The following CDH4 variants were observed in gnomAD, a reference collection of about 807,000 sequenced individuals.
The protein encoded by CDH4 is cadherin 4, also known as cadherin-4.
In CDH4, 33 loss-of-function variants were observed where a neutral mutation model predicts 86.0. The ratio of observed to expected loss-of-function variants is 0.38; its 90% confidence interval spans 0.29 to 0.51. CDH4 has a LOEUF of 0.51. Ranked by LOEUF, CDH4 falls within the 20% of genes least tolerant of loss-of-function variation. The probability of loss-of-function intolerance (pLI) is 0.86; values close to 1 mark genes in which losing one functional copy is unlikely to be tolerated. For synonymous variants in CDH4, 555 were observed against 549.4 expected, an observed-to-expected ratio of 1.01 and a Z score of -0.14; for missense variants, 1,114 against 1,307.4, an observed-to-expected ratio of 0.85 and a Z score of 2.28.
chr20:61,600,169 T>TGGC (rs2086588890), intron 2 of CDH4, among the ~76,000 whole-genome samples: 1 of 152,220 alleles, frequency 6.6e-6, no homozygotes, highest in South Asian at 2.1e-4. Context: ...CGCGAGGGCG[T>TGGC]GGCGGTGAGG....
intron 7 of CDH4, among the ~76,000 whole-genome samples, chr20:61,878,626 A>T (rs1245074980): frequency 1.3e-5 from 2 of 152,128 alleles, no homozygotes; most frequent in East Asian, 3.9e-4. Context: ...CTCCCCAGAC[A>T]TGGAGAGGTC....
intron 4 of CDH4, among the ~76,000 whole-genome samples, chr20:61,819,201 G>A (rs1213959895): frequency 1.3e-5 from 2 of 152,178 alleles, no homozygotes; most frequent in African/African-American, 2.4e-5. Context: ...ACAGCCCCAC[G>A]GCCAGGCCCT....
At chr20:61,686,760 CGTGTGCATTCGCGCGTGTGT>C (rs977057755) in intron 2 of CDH4, among the ~76,000 whole-genome samples, 2 of 150,454 alleles carry the variant, frequency 1.3e-5, no homozygotes, top group African/African-American at 4.9e-5. Flanking sequence ...TGTATATGTG[CGTGTGCATTCGCGCGTGTGT>C]GTGTGCATGT....
At chr20:61,451,777 G>A (rs62200875) in intron 2 of CDH4, among the ~76,000 whole-genome samples, 21,554 of 152,110 alleles carry the variant, frequency 0.14, 1,911 homozygotes, top group Non-Finnish European at 0.19. Context: ...GGGCTCCCTG[G>A]CCGTGGTGTG....
Position 61,684,596 on chromosome 20 carries a change from C to T in CDH4, c.170-58967C>T, listed in dbSNP as rs1240988064. 6.6e-6 allele frequency among the ~76,000 whole-genome samples: 1 copy of T among 152,180 alleles called. No individual in the cohort carries two copies. Among genetic ancestry groups the T allele is most frequent in the Non-Finnish European group, 1.5e-5 (1 of 68,032 alleles). ...GGGCTCCGTCCTGGGGGCTGAAAGG[C>T]TCCTGGGGGTTCAGTCTCTAACCTG... On this transcript the variant is annotated intron_variant, in intron 2 of 15. Transcript: ENST00000614565. The surrounding 1 kb of genome is among the most constrained non-coding windows in gnomAD (Gnocchi z 4.5).
chr20:61,414,738 G>A (rs2252688), intron 2 of CDH4, among the ~76,000 whole-genome samples: 2,444 of 152,320 alleles, frequency 0.016, 31 homozygotes, highest in Non-Finnish European at 0.024. Flanking sequence ...ATTCCGATTA[G>A]AGCTGCACTC....
intron 2 of CDH4, among the ~76,000 whole-genome samples, chr20:61,720,928 G>A (rs1052198802): frequency 2.0e-5 from 3 of 152,134 alleles, no homozygotes; most frequent in Non-Finnish European, 4.4e-5. Context: ...AACCTGACTT[G>A]TTGGCTACAG....
intron 2 of CDH4, among the ~76,000 whole-genome samples, chr20:61,265,028 C>G (rs2084149585): frequency 6.6e-6 from 1 of 151,280 alleles, no homozygotes; most frequent in Admixed American, 6.6e-5. Context: ...ACCCCAGTGG[C>G]TCCTTCATTC....
At chr20:61,493,304 G>A (rs1043041555) in intron 2 of CDH4, among the ~76,000 whole-genome samples, 3 of 152,074 alleles carry the variant, frequency 2.0e-5, no homozygotes, top group Admixed American at 1.3e-4. Flanking sequence ...TATGTGAAGC[G>A]TGCTATGCCC....
In CDH4 at chr20:61,254,334, C is replaced by G. The variant is rs1042617070; in HGVS notation, c.58-492C>G. On this transcript the variant is annotated intron_variant, in intron 1 of 15. Coordinates refer to ENST00000614565, the MANE Select transcript of CDH4 (RefSeq NM_001794.5). ...AGAGAATCTTCTTCCTTTCTCTCCT[C>G]TTTCTCCTCCCTCCCGGTGACCTGG... is the stretch of plus-strand genomic sequence containing the variant. Among the ~76,000 whole-genome samples the G allele has an allele frequency of 1.3e-5, 2 of 152,220 alleles. 1 individual carries two copies. Among genetic ancestry groups the G allele is most frequent in the East Asian group, 3.9e-4 (2 of 5,194 alleles).
chr20:61,711,298 C>T (rs965979999), intron 2 of CDH4, among the ~76,000 whole-genome samples: 13 of 152,228 alleles, frequency 8.5e-5, no homozygotes, highest in Admixed American at 1.3e-4. Context: ...CCTCCCCAGC[C>T]ATGCTGAACT....
intron 7 of CDH4, among the ~76,000 whole-genome samples, chr20:61,876,937 C>G (rs1329504298): frequency 6.6e-6 from 1 of 152,142 alleles, no homozygotes; most frequent in Non-Finnish European, 1.5e-5. Context: ...ATCTGTGGAC[C>G]CCTCTTCATA....
chr20:61,412,908 C>T (rs947853541), intron 2 of CDH4, among the ~76,000 whole-genome samples: 1 of 152,194 alleles, frequency 6.6e-6, no homozygotes, highest in African/African-American at 2.4e-5. Context: ...GAGTGTTTCT[C>T]CAGGGAGACC....
chr20:61,483,434 G>A (rs541569332), intron 2 of CDH4, among the ~76,000 whole-genome samples: 4 of 152,294 alleles, frequency 2.6e-5, no homozygotes, highest in East Asian at 1.9e-4. Context: ...TTGAAGAGAC[G>A]GTTATGGTTA....
chr20:61,449,200 C>T (rs762431579), intron 2 of CDH4, among the ~76,000 whole-genome samples: 4 of 152,196 alleles, frequency 2.6e-5, no homozygotes, highest in Non-Finnish European at 4.4e-5. Context: ...TAACCCAAGC[C>T]AAGGCTGTCC....
chr20:61,671,798 G>C (rs1249938821), intron 2 of CDH4, among the ~76,000 whole-genome samples: 1 of 151,314 alleles, frequency 6.6e-6, no homozygotes, highest in Non-Finnish European at 1.5e-5. Flanking sequence ...TCGATGGATA[G>C]ATGATGGATG....
intron 2 of CDH4, among the ~76,000 whole-genome samples, chr20:61,478,409 G>A (rs1049532867): frequency 5.4e-5 from 7 of 128,976 alleles, no homozygotes; most frequent in Middle Eastern, 3.9e-3. Flanking sequence ...TCTGCTGAGC[G>A]TGACGTAAGT....
intron 2 of CDH4, among the ~76,000 whole-genome samples, chr20:61,428,251 A>T (rs1297880647): frequency 6.6e-6 from 1 of 152,202 alleles, no homozygotes. Context: ...ATCCTGACAT[A>T]CAGCAGGTGG....
rs1414474836 is a variant in CDH4, at chr20:61,634,216, C to A, written c.170-109347C>A. Among the ~76,000 whole-genome samples the A allele has an allele frequency of 9.2e-5, 14 of 152,202 alleles. 1 individual carries two copies. Among genetic ancestry groups the A allele is most frequent in the Admixed American group, 7.2e-4 (11 of 15,278 alleles). On this transcript the variant is annotated intron_variant, in intron 2 of 15. Transcript: ENST00000614565. ...AGGGCATGGGCCACCCCCAGCCACACGGACAGGGAGAGCCTCTTCACCCTG... is the reference window on the plus strand; with the variant it reads ...AGGGCATGGGCCACCCCCAGCCACAAGGACAGGGAGAGCCTCTTCACCCTG...
Sources: gnomAD v4.1 joint callset for allele counts (sites outside exome capture counted in the v4.1 genomes callset) on GRCh38, gnomAD v4.1.1 for gene constraint, Gnocchi (gnomAD v3.1) non-coding constraint, MANE v1.5 for transcripts, NCBI Gene and HGNC (gene_info 2026-07-23, HGNC 2026-07-21) for gene names.